The following CABIN1 variants were observed in gnomAD, a reference collection of about 807,000 sequenced individuals.
CABIN1 encodes the protein calcineurin binding protein 1, also known as calcineurin-binding protein cabin-1.
A neutral mutation model predicts 227.7 loss-of-function variants in CABIN1; 133 were observed. The observed-to-expected ratio is 0.58, with a 90% CI of 0.51 to 0.67. The LOEUF is 0.67. Among genes scored for constraint, CABIN1 ranks in the 30% least tolerant of loss-of-function variants. The pLI, the probability that CABIN1 is intolerant of heterozygous loss-of-function variation, is 0.00. For synonymous variants in CABIN1, 1,086 were observed against 1,155.1 expected, an observed-to-expected ratio of 0.94 and a Z score of 1.21; for missense variants, 2,408 against 2,852.5, an observed-to-expected ratio of 0.84 and a Z score of 3.55.
Position 24,177,203 on chromosome 22 carries a change from T to A in CABIN1, c.6206-301T>A, listed in dbSNP as rs1413200486. On this transcript the variant is annotated intron_variant, in intron 35 of 36. Coordinates refer to ENST00000263119, the MANE Select transcript of CABIN1 (RefSeq NM_012295.4). This position sits in a 1 kb window ranked among gnomAD's most constrained non-coding sequence, Gnocchi z 4.4. The stretch of plus-strand genomic sequence containing the variant: ...GGAAATACGACAGTTCATGCAAGCA[T>A]GATGCCTGGAGGTCTTACAGAACCC... 6.6e-6 allele frequency among the ~76,000 whole-genome samples: 1 copy of A among 152,210 alleles called. No individual in the cohort carries two copies. The highest frequency in any genetic ancestry group is 1.5e-5 in the Non-Finnish European group (1 of 68,026).
Position 24,178,170 on chromosome 22 carries a change from G to A in CABIN1, c.6637G>A (p.Glu2213Lys), listed in dbSNP as rs2047224159. 2.5e-6 allele frequency: 4 copies of A among 1,613,346 alleles called. No individual in the cohort carries two copies. The highest frequency in any genetic ancestry group is 1.1e-5 in the South Asian group (1 of 91,092). ...QESSLESETD[E>K]DDDYMDI is the part of the protein sequence containing the mutation. Reference sequence around the variant, plus strand: ...GTCCTCGCTGGAGAGCGAGACAGACGAGGACGACGACTACATGGACATTTG... The same window carrying A: ...GTCCTCGCTGGAGAGCGAGACAGACAAGGACGACGACTACATGGACATTTG... The change falls in exon 37 of 37, where the codon GAG (glutamate) becomes AAG (lysine). Residue 2213 changes from glutamate to lysine, a missense_variant. Glu to Lys is a moderately conservative substitution (Grantham distance 56). Around this residue, in one of 3 missense-constraint regions of CABIN1, gnomAD observed 714 missense variants for 773.8 expected, o/e 0.92. Coordinates refer to ENST00000263119, the MANE Select transcript of CABIN1 (RefSeq NM_012295.4).
chr22:24,088,616 A>T (rs1005479009), intron 23 of CABIN1, among the ~76,000 whole-genome samples: 1 of 152,048 alleles, frequency 6.6e-6, no homozygotes, highest in Non-Finnish European at 1.5e-5. Context: ...TAAAAAAAAA[A>T]AATTACTCTT....
At chr22:24,130,191 C>G (rs1331179549) in intron 28 of CABIN1, among the ~76,000 whole-genome samples, 2 of 152,218 alleles carry the variant, frequency 1.3e-5, no homozygotes, top group Non-Finnish European at 2.9e-5. Context: ...GGGCCTCCTC[C>G]CATTCTCAGA....
intron 23 of CABIN1, among the ~76,000 whole-genome samples, chr22:24,088,501 G>A (rs552466161): frequency 6.6e-6 from 1 of 152,130 alleles, no homozygotes; most frequent in Non-Finnish European, 1.5e-5. Context: ...CCAGCTCCTC[G>A]GGAGGCTGAG....
At chr22:24,063,256 G>T in intron 14 of CABIN1, 110 bp downstream of exon 14, 1 of 1,104,918 alleles carries the variant, frequency 9.1e-7, no homozygotes, top group South Asian at 1.3e-5. Context: ...GTGTGTGTGT[G>T]TGCATGCATG....
At chr22:24,027,862 A>G (rs914848228) in intron 1 of CABIN1, among the ~76,000 whole-genome samples, 4 of 151,824 alleles carry the variant, frequency 2.6e-5, no homozygotes, top group Admixed American at 2.6e-4. Flanking sequence ...ACCCAGGCTC[A>G]GATATTCTGT....
At chr22:24,059,875 A>G (rs1209977053) in intron 11 of CABIN1, 49 bp from the exon 12 acceptor site, 2 of 1,510,242 alleles carry the variant, frequency 1.3e-6, no homozygotes, top group Non-Finnish European at 1.8e-6. Context: ...AGACCCTGGC[A>G]TGGAAGGTAC....
chr22:24,132,624 G>GT (rs1165293821), intron 28 of CABIN1, among the ~76,000 whole-genome samples: 1 of 152,162 alleles, frequency 6.6e-6, no homozygotes, highest in Non-Finnish European at 1.5e-5. Context: ...GTCTCACTCT[G>GT]TCACCCAGGC....
At chr22:24,168,260 T>C (rs1484307071) in intron 32 of CABIN1, among the ~76,000 whole-genome samples, 187 bp from the exon 33 acceptor site, 1 of 152,194 alleles carries the variant, frequency 6.6e-6, no homozygotes, top group African/African-American at 2.4e-5. Flanking sequence ...AGCTGGGACG[T>C]AGGGGTCTAG....
At chr22:24,126,142 G>A (rs2043709901) in intron 28 of CABIN1, among the ~76,000 whole-genome samples, 1 of 152,208 alleles carries the variant, frequency 6.6e-6, no homozygotes, top group Non-Finnish European at 1.5e-5. Context: ...TGTTTTCTGT[G>A]CATCTCTGCA....
At chr22:24,053,270 G>T (rs184815867) in intron 8 of CABIN1, among the ~76,000 whole-genome samples, 259 of 151,858 alleles carry the variant, frequency 1.7e-3, no homozygotes, top group African/African-American at 6.1e-3. Context: ...TAGAGATGGG[G>T]TTTCACCGTG....
intron 27 of CABIN1, among the ~76,000 whole-genome samples, chr22:24,114,343 C>T (rs2042969710): frequency 6.6e-6 from 1 of 152,104 alleles, no homozygotes; most frequent in South Asian, 2.1e-4. Flanking sequence ...CCTGGCCCCA[C>T]TCTGAGGTGT....
intron 23 of CABIN1, among the ~76,000 whole-genome samples, chr22:24,091,100 A>G (rs1345064131): frequency 6.6e-6 from 1 of 152,142 alleles, no homozygotes; most frequent in East Asian, 1.9e-4. Context: ...TTGCCCTTCT[A>G]CAAGTACTCC....
At chr22:24,056,391 C>G (rs2038799518) in intron 10 of CABIN1, 31 bp downstream of exon 10, 4 of 1,608,058 alleles carry the variant, frequency 2.5e-6, no homozygotes, top group Non-Finnish European at 2.6e-6. Flanking sequence ...TTGTCAGAAA[C>G]AAACCCACAA....
rs1569158696 is a variant in CABIN1 at position 24,067,093 on chromosome 22, CT to C, written c.2147del (p.Leu716CysfsTer15). 1 of 1,614,230 alleles carries C rather than the reference CT, an allele frequency of 6.2e-7. No homozygotes were observed. Among genetic ancestry groups the C allele is most frequent in the Admixed American group, 1.7e-5 (1 of 60,028 alleles). On this transcript the variant is annotated frameshift_variant, in exon 16 of 37. Transcript: ENST00000263119. LOFTEE classifies it high-confidence loss of function. ...GCTGTTGTGCATCTGCTCCGCCCCACTTTGTGCACCAGTGGGTTTGACCGGG... is the reference window on the plus strand; with the variant it reads ...GCTGTTGTGCATCTGCTCCGCCCCACTTGTGCACCAGTGGGTTTGACCGGG... ...YKAVVHLLRP[T>X]LCTSGFDRAK...
Position 24,113,558 on chromosome 22 carries a change from C to T in CABIN1, c.4118-8C>T, listed in dbSNP as rs1229158918. The stretch of plus-strand genomic sequence containing the variant: ...GCTCTCGCCCTCTCTTCCTCCTTCT[C>T]CCCTCAGACCGAAGCCAGGACAGCA... On this transcript the variant is annotated splice_region_variant and splice_polypyrimidine_tract_variant and intron_variant, in intron 26 of 36. Coordinates refer to ENST00000263119, the MANE Select transcript of CABIN1 (RefSeq NM_012295.4). The T allele has an allele frequency of 2.5e-6, 4 of 1,613,778 alleles. No homozygotes were observed. The highest frequency in any genetic ancestry group is 3.4e-6 in the Non-Finnish European group (4 of 1,179,908).
chr22:24,064,056 G>C lies in CABIN1; in HGVS notation c.1906G>C (p.Glu636Gln). The C allele has an allele frequency of 1.2e-6, 2 of 1,614,172 alleles. No individual in the cohort carries two copies. The highest frequency in any genetic ancestry group is 1.7e-6 in the Non-Finnish European group (2 of 1,180,036). The change falls in exon 15 of 37, where the codon GAG (glutamate) becomes CAG (glutamine). Residue 636 changes from glutamate (E) to glutamine (Q), a missense_variant. Glu to Gln is a conservative substitution (Grantham distance 29). Around this residue, in one of 3 missense-constraint regions of CABIN1, gnomAD observed 1,045 missense variants for 1,168.4 expected, o/e 0.89. Coordinates refer to ENST00000263119, the MANE Select transcript of CABIN1 (RefSeq NM_012295.4). The part of the protein sequence containing the change: ...ALQGDMEQAL[E>Q]NYDICTEMLQ... ...CCAGGGAGACATGGAGCAGGCCCTG[G>C]AGAACTATGACATCTGCACAGAAAT...
intron 3 of CABIN1, 126 bp downstream of exon 3, chr22:24,036,307 T>C: frequency 1.3e-6 from 1 of 745,354 alleles, no homozygotes; most frequent in South Asian, 1.4e-5. Context: ...GAAAGATGGC[T>C]AGCTCTCCAT....
intron 1 of CABIN1, among the ~76,000 whole-genome samples, chr22:24,015,418 C>T (rs1404976810): frequency 6.7e-6 from 1 of 150,312 alleles, no homozygotes; most frequent in Non-Finnish European, 1.5e-5. Flanking sequence ...TATCTCGGCT[C>T]ACTGCAAGCT....
Sources: allele counts gnomAD v4.1 joint callset (sites outside exome capture counted in the v4.1 genomes callset), GRCh38; gene constraint gnomAD v4.1.1; regional missense constraint gnomAD v4.1.1; non-coding constraint Gnocchi (gnomAD v3.1); transcripts MANE v1.5; gene names NCBI Gene and HGNC (gene_info 2026-07-23, HGNC 2026-07-21).